Variants in HTRA3 observed in about 807,000 individuals in gnomAD.
The protein encoded by HTRA3 is HtrA serine peptidase 3, also known as serine protease HTRA3.
A neutral mutation model predicts 43.2 loss-of-function variants in HTRA3; 41 were observed. That is an observed-to-expected ratio of 0.95 (90% CI 0.74 to 1.23). The LOEUF (loss-of-function observed/expected upper bound fraction) is 1.23. HTRA3 is among the 50% of genes most tolerant of loss of function. HTRA3 has a pLI of 0.00. For synonymous variants in HTRA3, 295 were observed against 287.9 expected (o/e 1.02, Z -0.25); for missense variants, 628 against 647.1 (o/e 0.97, Z 0.32).
intron 8 of HTRA3, among the ~76,000 whole-genome samples, chr4:8,304,717 G>A (rs1251795854): frequency 2.2e-5 from 3 of 137,210 alleles, no homozygotes; most frequent in East Asian, 2.3e-4. Context: ...GTGCAGTGTC[G>A]CGATCTCAGC....
intron 4 of HTRA3, 122 bp from the exon 5 acceptor site, chr4:8,292,199 T>A (rs1390826816): frequency 1.3e-6 from 1 of 797,724 alleles, no homozygotes; most frequent in East Asian, 2.6e-5. Context: ...GGCCTTTCGA[T>A]GCTGCTGAGG....
chr4:8,304,062 A>G, intron 7 of HTRA3, 122 bp from the exon 8 acceptor site: 1 of 682,520 alleles, frequency 1.5e-6, no homozygotes, highest in Non-Finnish European at 2.6e-6. Flanking sequence ...GGGACAGGGC[A>G]GTATGGGGGC....
Position 8,269,883 on chromosome 4 carries a change from C to T in HTRA3, c.-86C>T, listed in dbSNP as rs1342043132. ...CGCCCCAGTCCCATCCGTAGGCGCC[C>T]GGCGCCCGGCCCCGCAGCGGCCTCG... On this transcript the variant is annotated 5_prime_UTR_variant, in exon 1 of 9. Transcript: ENST00000307358. 2.0e-5 allele frequency: 13 copies of T among 645,836 alleles called. No homozygotes were observed. The highest frequency in any genetic ancestry group is 6.6e-5 in the South Asian group (1 of 15,072). 40.0% of individuals were successfully genotyped at this position (645,836 alleles called of 1,614,324 possible).
At chr4:8,293,753 T>C (rs561946173) in intron 5 of HTRA3, among the ~76,000 whole-genome samples, 11 of 152,240 alleles carry the variant, frequency 7.2e-5, no homozygotes, top group African/African-American at 2.6e-4. Context: ...TTCCTCCCTC[T>C]CTCGGTCCCT....
intron 3 of HTRA3, among the ~76,000 whole-genome samples, chr4:8,289,899 G>A (rs950207728): frequency 2.0e-5 from 3 of 149,608 alleles, no homozygotes; most frequent in African/African-American, 7.4e-5. Flanking sequence ...CCCAGCTCAT[G>A]GCCTCACCTG....
At chr4:8,305,362 T>C (rs760598457) in intron 8 of HTRA3, among the ~76,000 whole-genome samples, 4 of 152,258 alleles carry the variant, frequency 2.6e-5, no homozygotes, top group Non-Finnish European at 5.9e-5. Context: ...TAATCCTCAC[T>C]GCAGCCAGGG....
intron 1 of HTRA3, among the ~76,000 whole-genome samples, chr4:8,271,426 G>C (rs912238552): frequency 2.0e-5 from 3 of 152,146 alleles, no homozygotes; most frequent in Non-Finnish European, 4.4e-5. Flanking sequence ...TTTTCTGGCA[G>C]AACACGTGAC....
chr4:8,304,768 G>C (rs977127137), intron 8 of HTRA3, among the ~76,000 whole-genome samples: 2 of 141,124 alleles, frequency 1.4e-5, no homozygotes, highest in African/African-American at 2.7e-5. Context: ...CGACTCTCCT[G>C]CCTCAGCCTT....
chr4:8,270,880 G>A (rs1195311116), intron 1 of HTRA3, among the ~76,000 whole-genome samples: 3 of 152,132 alleles, frequency 2.0e-5, no homozygotes, highest in African/African-American at 7.2e-5. Context: ...AGAATGTCGG[G>A]GTCAGACCCT....
rs1578805506 is a variant in HTRA3, at chr4:8,296,997, G to A, written c.1051+2796G>A. Reference sequence around the variant, plus strand: ...GGTCCTGTGGTCTCAAAAACCGTAAGTTTCCCTGGTCTCAGAGTTCACAGG... The same window carrying A: ...GGTCCTGTGGTCTCAAAAACCGTAAATTTCCCTGGTCTCAGAGTTCACAGG... On this transcript the variant is annotated intron_variant, in intron 6 of 8. Transcript: ENST00000307358. The surrounding 1 kb of genome is among the most constrained non-coding windows in gnomAD (Gnocchi z 5.3). Among the ~76,000 whole-genome samples the A allele has an allele frequency of 6.6e-6, 1 of 152,024 alleles. No individual in the cohort carries two copies. The highest frequency in any genetic ancestry group is 1.5e-5 in the Non-Finnish European group (1 of 67,990).
intron 6 of HTRA3, among the ~76,000 whole-genome samples, chr4:8,301,306 G>C (rs1713648576): frequency 7.0e-6 from 1 of 142,880 alleles, no homozygotes; most frequent in Admixed American, 6.9e-5. Flanking sequence ...CTTTATTATT[G>C]ATTCACACTC....
Position 8,304,369 on chromosome 4 carries a change from C to T in HTRA3, c.1196+90C>T, listed in dbSNP as rs77002361. ...CCCACTGACCTCATGTGACCTTGAG[C>T]TTCCCAGCAAAGTGACCGGGAAGGG... On this transcript the variant is annotated intron_variant, in intron 8 of 8. Transcript: ENST00000307358. The T allele has an allele frequency of 1.8e-3, 1,757 of 979,034 alleles. 21 individuals are homozygous for T. The African/African-American group carries it at 0.025, about 14-fold the overall frequency. 60.6% of individuals were successfully genotyped at this position (979,034 alleles called of 1,614,324 possible).
At chr4:8,300,625 C>T (rs1338699802) in intron 6 of HTRA3, among the ~76,000 whole-genome samples, 1 of 152,134 alleles carries the variant, frequency 6.6e-6, no homozygotes, top group Admixed American at 6.5e-5. Context: ...TTGTCATGAT[C>T]GATCTTGCTA....
At chr4:8,273,131 G>C (rs1025477881) in intron 1 of HTRA3, among the ~76,000 whole-genome samples, 1 of 152,230 alleles carries the variant, frequency 6.6e-6, no homozygotes, top group East Asian at 1.9e-4. Context: ...GAAGTGACCC[G>C]GCTGGGCCTG....
chr4:8,292,823 G>A (rs77022566), intron 5 of HTRA3, among the ~76,000 whole-genome samples: 4,199 of 152,228 alleles, frequency 0.028, 151 homozygotes, highest in African/African-American at 0.075. Flanking sequence ...AGGATCGGAC[G>A]GTCCCACCCC....
In HTRA3 at chr4:8,286,586, C is replaced by A; in HGVS notation, c.511C>A (p.Pro171Thr). 6.2e-7 allele frequency: 1 copy of A among 1,614,030 alleles called. No individual in the cohort carries two copies. The highest frequency in any genetic ancestry group is 8.5e-7 in the Non-Finnish European group (1 of 1,180,026). ...ACACCCGCTGTTTGGCCGCAACGTG[C>A]CCCTGTCCAGCGGTTCTGGCTTCAT... Reference protein sequence around the residue: ...LRHPLFGRNVPLSSGSGFIMS... With the variant: ...LRHPLFGRNVTLSSGSGFIMS... The change falls in exon 3 of 9, where the codon CCC becomes ACC. Residue 171 changes from proline to threonine, a missense_variant. Coordinates refer to ENST00000307358, the MANE Select transcript of HTRA3 (RefSeq NM_053044.5). The surrounding 1 kb of genome is among the most constrained non-coding windows in gnomAD (Gnocchi z 4.9).
At chr4:8,270,701 A>G (rs1712234790) in intron 1 of HTRA3, among the ~76,000 whole-genome samples, 1 of 152,026 alleles carries the variant, frequency 6.6e-6, no homozygotes, top group Non-Finnish European at 1.5e-5. Context: ...TATTGAGTGA[A>G]GGGCACTCTT....
chr4:8,305,922 C>T, intron 8 of HTRA3, 49 bp from the exon 9 acceptor site: 1 of 1,607,658 alleles, frequency 6.2e-7, no homozygotes, highest in Non-Finnish European at 8.5e-7. Flanking sequence ...CCTGGGAAGG[C>T]TGTGCCTGGG....
At chr4:8,299,250 T>C (rs1014136713) in intron 6 of HTRA3, among the ~76,000 whole-genome samples, 1 of 152,260 alleles carries the variant, frequency 6.6e-6, no homozygotes, top group East Asian at 1.9e-4. Context: ...GATGCTATTA[T>C]AAATGATGTA....
Sources: gnomAD v4.1 joint callset for allele counts (sites outside exome capture counted in the v4.1 genomes callset) on GRCh38, gnomAD v4.1.1 for gene constraint, Gnocchi (gnomAD v3.1) non-coding constraint, MANE v1.5 for transcripts, NCBI Gene and HGNC (gene_info 2026-07-23, HGNC 2026-07-21) for gene names.